The following CACNG5 variants were observed in gnomAD, a reference collection of about 807,000 sequenced individuals.
CACNG5 encodes the protein voltage-dependent calcium channel gamma-5 subunit.
CACNG5 carries 18 observed loss-of-function variants against 24.8 expected under a neutral mutation model. The observed-to-expected ratio is 0.73, with a 90% CI of 0.50 to 1.08. CACNG5 has a LOEUF of 1.08. Ranked by LOEUF, CACNG5 falls within the 50% of genes least tolerant of loss-of-function variation. CACNG5 has a pLI of 0.00. For synonymous variants in CACNG5, 157 were observed against 149.1 expected (o/e 1.05, Z -0.39); for missense variants, 349 against 367.9 (o/e 0.95, Z 0.42).
intron 1 of CACNG5, among the ~76,000 whole-genome samples, chr17:66,845,404 A>G (rs567109055): frequency 6.6e-6 from 1 of 152,030 alleles, no homozygotes; most frequent in African/African-American, 2.4e-5. Flanking sequence ...GCACACGTAT[A>G]CCTATGTAAC....
At chr17:66,862,145 G>A (rs761653176) in intron 1 of CACNG5, among the ~76,000 whole-genome samples, 6 of 152,140 alleles carry the variant, frequency 3.9e-5, no homozygotes, top group Admixed American at 6.5e-5. Flanking sequence ...GGAGTGATTC[G>A]AGTCATTAAT....
chr17:66,884,035 G>A (rs1309789225), intron 4 of CACNG5, among the ~76,000 whole-genome samples: 4 of 152,032 alleles, frequency 2.6e-5, no homozygotes, highest in African/African-American at 9.7e-5. Flanking sequence ...AGGAGGCTGA[G>A]GCAGGAGAAT....
chr17:66,851,936 T>C (rs1464447498), intron 1 of CACNG5, among the ~76,000 whole-genome samples: 1 of 152,236 alleles, frequency 6.6e-6, no homozygotes, highest in African/African-American at 2.4e-5. Context: ...GATACTTGGA[T>C]AGCTGATAAA....
chr17:66,849,690 C>T (rs558214391), intron 1 of CACNG5, among the ~76,000 whole-genome samples: 5 of 152,310 alleles, frequency 3.3e-5, no homozygotes, highest in East Asian at 3.9e-4. Flanking sequence ...ACAGGTGAGA[C>T]GGATCACGCC....
chr17:66,842,556 G>T (rs982947793), intron 1 of CACNG5, among the ~76,000 whole-genome samples: 3 of 152,156 alleles, frequency 2.0e-5, no homozygotes, highest in Non-Finnish European at 4.4e-5. Context: ...GTTGATTAGA[G>T]GCCTTAGGTG....
chr17:66,848,771 G>T (rs534854113), intron 1 of CACNG5, among the ~76,000 whole-genome samples: 1 of 152,110 alleles, frequency 6.6e-6, no homozygotes, highest in Non-Finnish European at 1.5e-5. Context: ...AGACCCCAGC[G>T]CTGGATGCAA....
At chr17:66,867,494 T>A (rs999387692) in intron 1 of CACNG5, among the ~76,000 whole-genome samples, 2 of 152,252 alleles carry the variant, frequency 1.3e-5, no homozygotes, top group Non-Finnish European at 2.9e-5. Flanking sequence ...ATTTGTCAAT[T>A]TTTGCTTTTG....
At chr17:66,875,931 C>T (rs1463431413) in intron 1 of CACNG5, among the ~76,000 whole-genome samples, 2 of 152,212 alleles carry the variant, frequency 1.3e-5, no homozygotes, top group Non-Finnish European at 2.9e-5. Context: ...CACTGGATGA[C>T]CCCTTCTGGG....
intron 1 of CACNG5, among the ~76,000 whole-genome samples, chr17:66,870,131 C>T (rs1188744088): frequency 6.6e-6 from 1 of 151,894 alleles, no homozygotes; most frequent in African/African-American, 2.4e-5. Flanking sequence ...TATAAAACAA[C>T]AACTGTTTTA....
intron 1 of CACNG5, among the ~76,000 whole-genome samples, chr17:66,843,204 G>A (rs1048530788): frequency 3.9e-5 from 6 of 152,112 alleles, no homozygotes; most frequent in South Asian, 2.1e-4. Context: ...GTTGATAAGC[G>A]GCAAAGCCAG....
chr17:66,889,580 G>A lies in CACNG5; in HGVS notation c.*4340G>A, dbSNP rs1010812836. Reference sequence around the variant, plus strand: ...TTAAGGAATTAGCTCAAGAAGTTGTGGAGACTTGGTGAGTACAACCAAAAT... The same window carrying A: ...TTAAGGAATTAGCTCAAGAAGTTGTAGAGACTTGGTGAGTACAACCAAAAT... On this transcript the variant is annotated 3_prime_UTR_variant, in exon 6 of 6. Transcript: ENST00000533854. 6.6e-6 allele frequency among the ~76,000 whole-genome samples: 1 copy of A among 152,210 alleles called. No individual in the cohort carries two copies. The highest frequency in any genetic ancestry group is 1.5e-5 in the Non-Finnish European group (1 of 68,042).
Position 66,885,173 on chromosome 17 carries a change from T to C in CACNG5, c.761T>C (p.Met254Thr). ...ATCTCCAGCGAGGCCTCCCTGCAGA[T>C]GAACAGCAACTACCCCGCCTTGCTC... Reference protein sequence around the residue: ...SDISSEASLQMNSNYPALLKC... With the variant: ...SDISSEASLQTNSNYPALLKC... Residue 254 changes from methionine to threonine, a missense_variant, in exon 6 of 6, where the codon ATG (methionine) becomes ACG (threonine). Met to Thr is a moderately conservative substitution (Grantham distance 81). Coordinates refer to ENST00000533854, the MANE Select transcript of CACNG5 (RefSeq NM_145811.3). 1.2e-6 allele frequency: 2 copies of C among 1,612,088 alleles called. No individual in the cohort carries two copies. The highest frequency in any genetic ancestry group is 1.7e-6 in the Non-Finnish European group (2 of 1,179,904).
At position 66,838,972 on chromosome 17, in the gene CACNG5, T is replaced by TTTTTTTTTTTTTTC. The variant is rs1976524134; in HGVS notation, c.-104+3729_-104+3730insTTTTTTCTTTTTTT. Among the ~76,000 whole-genome samples, 8 of 139,452 alleles carry TTTTTTTTTTTTTTC rather than the reference T, an allele frequency of 5.7e-5. 1 individual carries two copies. The highest frequency in any genetic ancestry group is 5.6e-4 in the Admixed American group (8 of 14,178). 91.5% of individuals were successfully genotyped at this position (139,452 alleles called of 152,430 possible). On this transcript the variant is annotated intron_variant, in intron 1 of 5. Transcript: ENST00000533854. ...TCCCTCACCCATTCTTTTTTTTTTT[T>TTTTTTTTTTTTTTC]TTTTTTTGAGACAGAGTCTCACTCT...
chr17:66,877,759 C>T (rs1568071704), intron 2 of CACNG5, among the ~76,000 whole-genome samples: 2 of 152,210 alleles, frequency 1.3e-5, no homozygotes, highest in African/African-American at 2.4e-5. Context: ...GGTCTTCCTT[C>T]CTGAAAGATG....
intron 1 of CACNG5, among the ~76,000 whole-genome samples, chr17:66,865,369 A>G (rs1976915014): frequency 6.6e-6 from 1 of 151,936 alleles, no homozygotes; most frequent in African/African-American, 2.4e-5. Context: ...CGCTGATGTA[A>G]GACATTCTGC....
chr17:66,845,990 G>A (rs1009204605), intron 1 of CACNG5, among the ~76,000 whole-genome samples: 7 of 152,160 alleles, frequency 4.6e-5, no homozygotes, highest in African/African-American at 9.7e-5. Context: ...GTGAAAGGGC[G>A]TGGCCAACAG....
intron 4 of CACNG5, among the ~76,000 whole-genome samples, chr17:66,882,322 A>C (rs1206676326): frequency 6.6e-6 from 1 of 152,140 alleles, no homozygotes; most frequent in Non-Finnish European, 1.5e-5. Flanking sequence ...TCATGAGTTT[A>C]GTGTGGGAAA....
At chr17:66,871,988 A>G (rs979741677) in intron 1 of CACNG5, among the ~76,000 whole-genome samples, 1 of 152,236 alleles carries the variant, frequency 6.6e-6, no homozygotes, top group East Asian at 1.9e-4. Context: ...GCACTTTTGT[A>G]TACAAGGAGA....
intron 1 of CACNG5, among the ~76,000 whole-genome samples, chr17:66,847,268 G>A (rs1976649449): frequency 6.6e-6 from 1 of 152,226 alleles, no homozygotes; most frequent in South Asian, 2.1e-4. Flanking sequence ...GGCAGTAAGT[G>A]TTGGTGTGCC....
Sources: gnomAD v4.1 joint callset for allele counts (sites outside exome capture counted in the v4.1 genomes callset) on GRCh38, gnomAD v4.1.1 for gene constraint, MANE v1.5 for transcripts, NCBI Gene and HGNC (gene_info 2026-07-23, HGNC 2026-07-21) for gene names.